NYAP2: variants seen among roughly 807,000 people sequenced by gnomAD.
NYAP2 encodes the protein neuronal tyrosine-phosphorylated phosphoinositide-3-kinase adapter 2.
Under a neutral mutation model 50.4 loss-of-function variants are expected in NYAP2, and 23 were observed. The ratio of observed to expected loss-of-function variants is 0.46; its 90% CI spans 0.33 to 0.65. The LOEUF is 0.65. Ranked by LOEUF, NYAP2 falls within the 30% of genes least tolerant of loss-of-function variation. NYAP2 has a pLI of 0.02. For synonymous variants in NYAP2, 394 were observed against 365.2 expected, an observed-to-expected ratio of 1.08 and a Z score of -0.90; for missense variants, 885 against 861.0, an observed-to-expected ratio of 1.03 and a Z score of -0.35.
chr2:225,648,414 A>G (rs1042026773), intron 6 of NYAP2, among the ~76,000 whole-genome samples: 4 of 152,164 alleles, frequency 2.6e-5, no homozygotes, highest in African/African-American at 7.2e-5. Flanking sequence ...GATAATAAAT[A>G]TGGAATAATT....
chr2:225,618,835 G>T (rs1047178808), intron 5 of NYAP2, among the ~76,000 whole-genome samples: 1 of 152,234 alleles, frequency 6.6e-6, no homozygotes, highest in African/African-American at 2.4e-5. Flanking sequence ...AACGGAAATG[G>T]ATCATGACAG....
intron 3 of NYAP2, among the ~76,000 whole-genome samples, chr2:225,485,148 T>C (rs1690268919): frequency 6.6e-6 from 1 of 152,132 alleles, no homozygotes; most frequent in Non-Finnish European, 1.5e-5. Context: ...GGGGGTGGTT[T>C]CCCCCATACT....
chr2:225,569,008 C>A (rs114966983), intron 4 of NYAP2, among the ~76,000 whole-genome samples: 5,630 of 152,184 alleles, frequency 0.037, 329 homozygotes, highest in African/African-American at 0.13. Context: ...TACCTAATAA[C>A]CTGATGGGGT....
At chr2:225,517,659 G>A (rs956538739) in intron 4 of NYAP2, among the ~76,000 whole-genome samples, 4 of 152,124 alleles carry the variant, frequency 2.6e-5, no homozygotes, top group African/African-American at 4.8e-5. Context: ...AGAAGGTGCC[G>A]TACAAATAGA....
chr2:225,502,900 C>A (rs2106178746), intron 3 of NYAP2, among the ~76,000 whole-genome samples: 1 of 152,336 alleles, frequency 6.6e-6, no homozygotes, highest in East Asian at 1.9e-4. Context: ...GCCTGACAAA[C>A]TATAGGCACT....
the NYAP2 span, among the ~76,000 whole-genome samples, chr2:225,684,094 G>A: frequency 6.6e-6 from 1 of 152,264 alleles, no homozygotes; most frequent in South Asian, 2.1e-4. Context: ...CTCAGACTTG[G>A]AGTCACAGAT....
rs578183306 is a variant in NYAP2, at chr2:225,408,917, G to A, written c.37G>A (p.Glu13Lys). ...CAAGATGATGAGTTCTAATCCTGAG[G>A]AAGACCCTTTGGACACATTTCTCCA... Residue 13 changes from glutamate to lysine, a missense_variant, in exon 3 of 7, where the codon GAA (glutamate) becomes AAA (lysine). Coordinates refer to ENST00000636099, the Ensembl canonical transcript of NYAP2. 8.7e-6 allele frequency: 14 copies of A among 1,611,248 alleles called. No individual in the cohort carries two copies. In the South Asian group the frequency reaches 1.4e-4, roughly 16 times the overall value.
intron 3 of NYAP2, among the ~76,000 whole-genome samples, chr2:225,509,317 T>C (rs1264586177): frequency 2.0e-5 from 3 of 152,224 alleles, no homozygotes; most frequent in African/African-American, 7.2e-5. Flanking sequence ...GTTTCACACA[T>C]ACTTCTCTCT....
At chr2:225,442,866 C>T (rs573368301) in intron 3 of NYAP2, among the ~76,000 whole-genome samples, 2 of 152,284 alleles carry the variant, frequency 1.3e-5, no homozygotes, top group South Asian at 4.1e-4. Flanking sequence ...CGTGCGCCAC[C>T]GTGCCTGGCC....
chr2:225,535,695 G>A (rs1574663967), intron 4 of NYAP2, among the ~76,000 whole-genome samples: 1 of 152,172 alleles, frequency 6.6e-6, no homozygotes, highest in Non-Finnish European at 1.5e-5. Flanking sequence ...ACGTACAGGG[G>A]TCAGATAGAA....
intron 3 of NYAP2, among the ~76,000 whole-genome samples, chr2:225,415,881 TAAAAA>T (rs762183963): frequency 6.8e-6 from 1 of 146,554 alleles, no homozygotes; most frequent in Non-Finnish European, 1.5e-5. Context: ...TTGAGCAACA[TAAAAA>T]AAAAAGCCCT....
exon 7 of NYAP2, chr2:225,652,410 A>C (rs973704180): frequency 4.6e-5 from 7 of 152,188 alleles, no homozygotes; most frequent in African/African-American, 1.7e-4. Flanking sequence ...GCATAAACTG[A>C]AATATCATTT....
At chr2:225,627,232 C>T (rs1308486010) in intron 6 of NYAP2, 106 bp downstream of exon 6, 1 of 817,184 alleles carries the variant, frequency 1.2e-6, no homozygotes, top group African/African-American at 1.7e-5. Flanking sequence ...TCTGTCTGCA[C>T]ACAGAGAGGC....
At chr2:225,471,180 T>C (rs929058881) in intron 3 of NYAP2, among the ~76,000 whole-genome samples, 10 of 152,238 alleles carry the variant, frequency 6.6e-5, no homozygotes, top group African/African-American at 2.2e-4. Flanking sequence ...CATTACTGCA[T>C]GTACTATAAA....
chr2:225,521,576 T>G (rs1483232558), intron 4 of NYAP2, among the ~76,000 whole-genome samples: 9 of 152,164 alleles, frequency 5.9e-5, no homozygotes, highest in Non-Finnish European at 1.3e-4. Flanking sequence ...TGGATTACAC[T>G]TATTGATTTG....
intron 3 of NYAP2, among the ~76,000 whole-genome samples, chr2:225,456,539 T>G (rs1428388453): frequency 6.6e-6 from 1 of 152,042 alleles, no homozygotes; most frequent in Non-Finnish European, 1.5e-5. Context: ...CCTAATTAGG[T>G]CAGGAGCTTC....
intron 4 of NYAP2, among the ~76,000 whole-genome samples, chr2:225,520,046 G>A (rs1214826836): frequency 6.6e-6 from 1 of 152,174 alleles, no homozygotes; most frequent in East Asian, 1.9e-4. Context: ...TTTTTCATGT[G>A]TTTTTCAGTT....
chr2:225,659,541 A>C, the NYAP2 span, among the ~76,000 whole-genome samples: 1 of 152,216 alleles, frequency 6.6e-6, no homozygotes, highest in Admixed American at 6.5e-5. Flanking sequence ...TGTATTTATT[A>C]AATGTCAAAG....
chr2:225,593,735 C>T (rs1396243755), intron 5 of NYAP2, among the ~76,000 whole-genome samples: 2 of 152,122 alleles, frequency 1.3e-5, no homozygotes, highest in Non-Finnish European at 2.9e-5. Flanking sequence ...CAAGTTGGTA[C>T]ATGATAAGTA....
Sources: allele counts gnomAD v4.1 joint callset (sites outside exome capture counted in the v4.1 genomes callset), GRCh38; gene constraint gnomAD v4.1.1; transcripts MANE v1.5; gene names NCBI Gene and HGNC (gene_info 2026-07-23, HGNC 2026-07-21).